The following SLC9A7 variants were observed in gnomAD, a reference collection of about 807,000 sequenced individuals.
SLC9A7 encodes the protein solute carrier family 9 member A7.
In SLC9A7, 19 loss-of-function variants were observed where a neutral mutation model predicts 52.6. The ratio of observed to expected loss-of-function variants is 0.36; its 90% CI spans 0.25 to 0.53. SLC9A7 has a LOEUF of 0.53. Among genes scored for constraint, SLC9A7 ranks in the 20% least tolerant of loss-of-function variants. The pLI, the probability that SLC9A7 is intolerant of heterozygous loss-of-function variation, is 0.91. For missense variants in SLC9A7, 455 were observed against 597.9 expected, an observed-to-expected ratio of 0.76 and a Z score of 2.49; for synonymous variants, 226 against 252.1, an observed-to-expected ratio of 0.90 and a Z score of 0.98.
At chrX:46,712,882 T>G (rs774152691) in intron 1 of SLC9A7, among the ~76,000 whole-genome samples, 57 of 111,711 alleles carry the variant, frequency 5.1e-4, no homozygotes, top group African/African-American at 1.5e-3. Flanking sequence ...GTAAAGCCTT[T>G]AAGATGCTCT....
intron 1 of SLC9A7, among the ~76,000 whole-genome samples, chrX:46,750,896 G>A (rs1313945230): frequency 8.0e-5 from 9 of 112,206 alleles, no homozygotes; most frequent in African/African-American, 2.9e-4. Flanking sequence ...GTAAACTGTG[G>A]TACACACAAA....
In SLC9A7 at chrX:46,602,052, A is replaced by T. The variant is rs1602117938; in HGVS notation, c.*4900T>A. 1 of 60,143 alleles carries T rather than the reference A, an allele frequency of 1.7e-5. No individual in the cohort carries two copies. Among genetic ancestry groups the T allele is most frequent in the South Asian group, 6.6e-4 (1 of 1,516 alleles). The allele number at this position is 60,143 out of a possible 1,213,427, so 5.0% of individuals were successfully genotyped here. A position where few individuals can be genotyped will look rare whatever the true frequency, so the allele number is the denominator to read the frequency against. On this transcript the variant is annotated 3_prime_UTR_variant, in exon 17 of 17. Coordinates refer to ENST00000616978, the MANE Select transcript of SLC9A7 (RefSeq NM_001257291.2). ...TATTAATTTAATTCCAGGTGAAATT[A>T]AAAAAAAAAAACAAAACAGCTTCCC...
At chrX:46,661,730 C>T (rs1347601238) in intron 7 of SLC9A7, among the ~76,000 whole-genome samples, 2 of 111,611 alleles carry the variant, frequency 1.8e-5, no homozygotes, top group Non-Finnish European at 3.8e-5. Flanking sequence ...GCTCTTTTCA[C>T]CCCTCTAAAA....
At chrX:46,630,714 C>G (rs1024906954) in intron 14 of SLC9A7, among the ~76,000 whole-genome samples, 1 of 112,168 alleles carries the variant, frequency 8.9e-6, no homozygotes, top group Non-Finnish European at 1.9e-5. Flanking sequence ...TTTGTTGATA[C>G]TCTTCCCATC....
chrX:46,746,411 T>C (rs1921774447), intron 1 of SLC9A7, among the ~76,000 whole-genome samples: 1 of 110,325 alleles, frequency 9.1e-6, no homozygotes, highest in Non-Finnish European at 1.9e-5. Context: ...AAGAGATTAA[T>C]AACCAGAATA....
chrX:46,669,275 A>G (rs2146836334), intron 5 of SLC9A7, among the ~76,000 whole-genome samples: 1 of 110,476 alleles, frequency 9.1e-6, no homozygotes, highest in Admixed American at 9.7e-5. Flanking sequence ...CCCTTCTTAG[A>G]AAAGCCATCT....
chrX:46,679,553 G>A, intron 3 of SLC9A7, 125 bp downstream of exon 3: 2 of 493,093 alleles, frequency 4.1e-6, no homozygotes, highest in Non-Finnish European at 6.8e-6. Context: ...GTCAACTATA[G>A]TCTCTGAGTG....
At chrX:46,697,953 G>A (rs182541979) in intron 1 of SLC9A7, among the ~76,000 whole-genome samples, 4 of 111,262 alleles carry the variant, frequency 3.6e-5, no homozygotes, top group African/African-American at 9.8e-5. Flanking sequence ...TCTTATGGTC[G>A]AGACTGCAGG....
chrX:46,665,459 G>A (rs914296779), intron 5 of SLC9A7, among the ~76,000 whole-genome samples: 2 of 103,262 alleles, frequency 1.9e-5, no homozygotes, highest in African/African-American at 7.2e-5. Flanking sequence ...TGAGGGAGCA[G>A]ATAATGGAGT....
intron 1 of SLC9A7, among the ~76,000 whole-genome samples, chrX:46,718,225 G>C (rs1408182627): frequency 9.0e-6 from 1 of 111,621 alleles, no homozygotes; most frequent in Non-Finnish European, 1.9e-5. Flanking sequence ...AAATGGTGCT[G>C]GGAAAACTGG....
intron 1 of SLC9A7, among the ~76,000 whole-genome samples, chrX:46,735,767 A>G (rs1459977352): frequency 9.0e-6 from 1 of 110,858 alleles, no homozygotes; most frequent in East Asian, 2.8e-4. Flanking sequence ...TGGGTTGACA[A>G]TTTCTTCTGT....
rs1238297438 is a variant in SLC9A7 at position 46,605,528 on chromosome X, A to G, written c.*1424T>C. 2 of 111,703 alleles carry G rather than the reference A, an allele frequency of 1.8e-5. No individual in the cohort carries two copies. The highest frequency in any genetic ancestry group is 6.5e-5 in the African/African-American group (2 of 30,645). 9.2% of individuals were successfully genotyped at this position (111,703 alleles called of 1,213,427 possible). On this transcript the variant is annotated 3_prime_UTR_variant, in exon 17 of 17. Transcript: ENST00000616978. Reference sequence around the variant, plus strand: ...ACTCGGACTCTTAAGCTTATAGAAGACAGAGCTTTCTAGTGGGCTGAAAAT... The same window carrying G: ...ACTCGGACTCTTAAGCTTATAGAAGGCAGAGCTTTCTAGTGGGCTGAAAAT...
In SLC9A7 at chrX:46,662,062, C is replaced by T; in HGVS notation, c.995G>A (p.Ser332Asn). 2 of 1,202,213 alleles carry T rather than the reference C, an allele frequency of 1.7e-6. No individual in the cohort carries two copies. Among genetic ancestry groups the T allele is most frequent in the Non-Finnish European group, 1.1e-6 (1 of 889,754 alleles). Residue 332 changes from serine to asparagine, a missense_variant, in exon 7 of 17, where the codon AGT (serine) becomes AAT (asparagine). By Grantham distance (46) the Ser-to-Asn change is conservative. Around this residue, in one of 3 missense-constraint regions of SLC9A7, gnomAD observed 304 missense variants for 417.8 expected, o/e 0.73. Transcript: ENST00000616978. ...KSVGIFLGIF[S>N]GSFTMGAVTG... ...CACAGCTCCCATGGTAAAAGAGCCA[C>T]TAAATATACCTAGAAAAATGCCAAC...
chrX:46,736,085 C>T, intron 1 of SLC9A7, among the ~76,000 whole-genome samples: 1 of 111,654 alleles, frequency 9.0e-6, no homozygotes, highest in South Asian at 3.7e-4. Context: ...ATATTTCTGT[C>T]CCATTCTCAT....
intron 1 of SLC9A7, among the ~76,000 whole-genome samples, chrX:46,728,508 G>T (rs1036803913): frequency 8.9e-6 from 1 of 112,026 alleles, no homozygotes; most frequent in Non-Finnish European, 1.9e-5. Flanking sequence ...AGTTGGTAAA[G>T]GTGTGGAACA....
intron 1 of SLC9A7, among the ~76,000 whole-genome samples, chrX:46,738,344 A>C (rs1304593077): frequency 1.8e-5 from 2 of 112,517 alleles, no homozygotes; most frequent in Non-Finnish European, 3.8e-5. Flanking sequence ...GGCCAGACCA[A>C]GCCCTCCACA....
At chrX:46,742,894 T>C (rs1259385103) in intron 1 of SLC9A7, among the ~76,000 whole-genome samples, 1 of 110,002 alleles carries the variant, frequency 9.1e-6, no homozygotes, top group Non-Finnish European at 1.9e-5. Context: ...TACAAAAAGT[T>C]CTTAAAAATT....
Position 46,758,915 on chromosome X carries a change from C to T in SLC9A7, c.115G>A (p.Ala39Thr), listed in dbSNP as rs782807894. 4 of 1,156,551 alleles carry T rather than the reference C, an allele frequency of 3.5e-6. No homozygotes were observed. Among genetic ancestry groups the T allele is most frequent in the East Asian group, 3.4e-5 (1 of 29,380 alleles). The change falls in exon 1 of 17, where the codon GCC becomes ACC. Residue 39 changes from alanine (A) to threonine (T), a missense_variant. Physicochemically the swap from Ala to Thr is moderately conservative, Grantham distance 58 (BLOSUM62 0). Around this residue, in one of 3 missense-constraint regions of SLC9A7, gnomAD observed 304 missense variants for 417.8 expected, o/e 0.73. Transcript: ENST00000616978. ...LGWGLRVAAA[A>T]SASSSGAAAE... The stretch of plus-strand genomic sequence containing the variant: ...GCCGCCCCAGAGGAGGAGGCCGAGG[C>T]CGCGGCCGCGACTCGCAGCCCCCAA...
At chrX:46,623,196 C>T (rs1472512827) in intron 14 of SLC9A7, among the ~76,000 whole-genome samples, 2 of 111,719 alleles carry the variant, frequency 1.8e-5, no homozygotes, top group African/African-American at 6.5e-5. Flanking sequence ...ACAGAGAAGC[C>T]ATTGAGAGCC....
Sources: allele counts gnomAD v4.1 joint callset (sites outside exome capture counted in the v4.1 genomes callset), GRCh38; gene constraint gnomAD v4.1.1; regional missense constraint gnomAD v4.1.1; transcripts MANE v1.5; gene names NCBI Gene and HGNC (gene_info 2026-07-23, HGNC 2026-07-21).